RYR1: variants seen among roughly 807,000 people sequenced by gnomAD.
RYR1 encodes ryanodine receptor 1.
RYR1 carries 342 observed loss-of-function variants against 583.5 expected under a neutral mutation model. The ratio of observed to expected loss-of-function variants is 0.59; its 90% confidence interval spans 0.54 to 0.64. The LOEUF (loss-of-function observed/expected upper bound fraction) is 0.64. Ranked by LOEUF, RYR1 falls within the 30% of genes least tolerant of loss-of-function variation. The pLI, the probability that RYR1 is intolerant of heterozygous loss-of-function variation, is 0.00. For synonymous variants in RYR1, 2,791 were observed against 2,822.5 expected (o/e 0.99, Z 0.35); for missense variants, 6,032 against 6,917.2 (o/e 0.87, Z 4.54).
chr19:38,500,568 G>A lies in RYR1; in HGVS notation c.7324-38G>A, dbSNP rs901981100. ...AGCAGTCACTGAGTGGGGCACCAGC[G>A]CCTGATGAGTGCCCCTCTCCCTCCC... On this transcript the variant is annotated intron_variant, in intron 45 of 105. Coordinates refer to ENST00000359596, the MANE Select transcript of RYR1 (RefSeq NM_000540.3). This position sits in a 1 kb window ranked among gnomAD's most constrained non-coding sequence, Gnocchi z 5.9. 9.3e-6 allele frequency: 15 copies of A among 1,611,016 alleles called. No individual in the cohort carries two copies. The highest frequency in any genetic ancestry group is 5.3e-5 in the African/African-American group (4 of 74,788).
chr19:38,585,773 G>A (rs994071154), intron 102 of RYR1, among the ~76,000 whole-genome samples, 165 bp from the exon 103 acceptor site: 3 of 151,958 alleles, frequency 2.0e-5, no homozygotes, highest in East Asian at 1.9e-4. Context: ...GTGAGCCACC[G>A]CACCCGGCCA....
At chr19:38,494,188 C>T (rs927652757) in intron 38 of RYR1, among the ~76,000 whole-genome samples, 164 bp from the exon 39 acceptor site, 2 of 152,168 alleles carry the variant, frequency 1.3e-5, no homozygotes, top group East Asian at 3.8e-4. Flanking sequence ...AAAAGGAAAA[C>T]AATCTGCTAG....
At chr19:38,464,235 C>G (rs1187319216) in intron 22 of RYR1, among the ~76,000 whole-genome samples, 3 of 130,338 alleles carry the variant, frequency 2.3e-5, no homozygotes, top group African/African-American at 5.9e-5. Context: ...CGAGATCACA[C>G]TACTGCACTC....
At chr19:38,516,926 C>A (rs1360649420) in intron 65 of RYR1, among the ~76,000 whole-genome samples, 1 of 152,148 alleles carries the variant, frequency 6.6e-6, no homozygotes, top group Non-Finnish European at 1.5e-5. Context: ...AGAATGGCAC[C>A]TGGCCCAGAG....
Position 38,527,718 on chromosome 19 carries a change from C to T in RYR1, c.10758C>T (p.Ala3586=). 6.2e-7 allele frequency: 1 copy of T among 1,614,046 alleles called. No homozygotes were observed. The highest frequency in any genetic ancestry group is 8.5e-7 in the Non-Finnish European group (1 of 1,180,004). ...GCGTCCCGGGTCGCGAGGAGGACGC[C>T]GATGACCCCGAGAAAATCGTGCGCA... is the stretch of plus-strand genomic sequence containing the variant. ...YRGVPGREED[A]DDPEKIVRRV... The change falls in exon 73 of 106, where the codon GCC becomes GCT. Residue 3586 remains alanine, a synonymous_variant. Transcript: ENST00000359596.
At chr19:38,580,251 G>T in intron 100 of RYR1, 119 bp from the exon 101 acceptor site, 4 of 1,589,042 alleles carry the variant, frequency 2.5e-6, no homozygotes, top group Non-Finnish European at 3.4e-6. Context: ...CTGAGCCGGG[G>T]GTGTGTGGGG....
intron 64 of RYR1, among the ~76,000 whole-genome samples, chr19:38,515,641 T>A (rs898606557): frequency 6.0e-5 from 9 of 150,678 alleles, no homozygotes; most frequent in African/African-American, 1.7e-4. Context: ...AAAAAAAAAT[T>A]TTTTTTAATT....
In RYR1 at chr19:38,578,219, A is replaced by G. The variant is rs762065384; in HGVS notation, c.14364+15A>G. 1.1e-5 allele frequency: 17 copies of G among 1,612,562 alleles called. No homozygotes were observed. Among genetic ancestry groups the G allele is most frequent in the Non-Finnish European group, 1.4e-5 (17 of 1,179,374 alleles). ...TCACAGACAACGTGAGCAGGGGCCC[A>G]CAGACTGGGGAGGGACTCTGCAGGG... On this transcript the variant is annotated intron_variant, in intron 99 of 105. Coordinates refer to ENST00000359596, the MANE Select transcript of RYR1 (RefSeq NM_000540.3).
intron 33 of RYR1, among the ~76,000 whole-genome samples, chr19:38,484,438 C>CACTT (rs1969177742): frequency 7.1e-6 from 1 of 140,326 alleles, no homozygotes; most frequent in African/African-American, 2.8e-5. Context: ...CTCCCTCCCT[C>CACTT]CCTTCCTTCC....
chr19:38,502,876 G>T lies in RYR1; in HGVS notation c.7836-4G>T. ...GATTCTACATCTTGTGCATTGTCCC[G>T]CAGGTACATCCGCCCGTCGATGCTG... On this transcript the variant is annotated splice_region_variant and splice_polypyrimidine_tract_variant and intron_variant, in intron 48 of 105. Transcript: ENST00000359596. 2 of 1,610,090 alleles carry T rather than the reference G, an allele frequency of 1.2e-6. No homozygotes were observed. Among genetic ancestry groups the T allele is most frequent in the East Asian group, 2.2e-5 (1 of 44,842 alleles).
rs1226966051 is a variant in RYR1 at position 38,512,616 on chromosome 19, C to T, written c.9472+133C>T. The T allele has an allele frequency of 3.4e-6, 3 of 877,098 alleles. No homozygotes were observed. The highest frequency in any genetic ancestry group is 1.6e-5 in the African/African-American group (1 of 60,762). The allele number at this position is 877,098 out of a possible 1,614,324, so 54.3% of individuals were successfully genotyped here. ...CTGTAAGCAAAGCATGCAGTCAGTA[C>T]CTTGGCAGGTGGCAAATGAGTTAAT... is the stretch of plus-strand genomic sequence containing the variant. On this transcript the variant is annotated intron_variant, in intron 63 of 105. Transcript: ENST00000359596. The surrounding 1 kb of genome is among the most constrained non-coding windows in gnomAD (Gnocchi z 5.1).
intron 73 of RYR1, 78 bp from the exon 74 acceptor site, chr19:38,528,228 G>C: frequency 2.5e-6 from 3 of 1,202,666 alleles, no homozygotes; most frequent in Non-Finnish European, 3.7e-6. Context: ...CTTCGACACA[G>C]CTGGGCAGTT....
At chr19:38,534,673 G>A (rs1223050074) in intron 78 of RYR1, 47 bp from the exon 79 acceptor site, 1 of 1,537,828 alleles carries the variant, frequency 6.5e-7, no homozygotes, top group African/African-American at 1.4e-5. Flanking sequence ...GGAAAGGCTG[G>A]GCTGGAAAGC....
intron 11 of RYR1, among the ~76,000 whole-genome samples, chr19:38,450,773 C>CAATGAATA (rs1967032840): frequency 6.7e-6 from 1 of 150,114 alleles, no homozygotes; most frequent in Non-Finnish European, 1.5e-5. Context: ...AACGTGGAAA[C>CAATGAATA]AATAAATAAA....
intron 47 of RYR1, 87 bp from the exon 48 acceptor site, chr19:38,502,420 G>T: frequency 7.7e-7 from 1 of 1,295,378 alleles, no homozygotes; most frequent in Non-Finnish European, 1.1e-6. Flanking sequence ...CAGAAGCTTG[G>T]ATCCTTTGGC....
intron 2 of RYR1, among the ~76,000 whole-genome samples, chr19:38,441,071 G>T (rs1972655534): frequency 6.6e-6 from 1 of 151,834 alleles, no homozygotes; most frequent in South Asian, 2.1e-4. Context: ...GGGTGTTGGA[G>T]GGAATCCCTG....
chr19:38,482,489 C>T (rs1394033059), intron 31 of RYR1, among the ~76,000 whole-genome samples: 4 of 152,208 alleles, frequency 2.6e-5, no homozygotes, highest in East Asian at 1.9e-4. Flanking sequence ...CTTGTTCTGT[C>T]ACCCAGGCTG....
chr19:38,577,388 C>T lies in RYR1; in HGVS notation c.14173-530C>T, dbSNP rs141943888. On this transcript the variant is annotated intron_variant, in intron 97 of 105. Transcript: ENST00000359596. ...CGGAGCACCTATTATGTGCCAGGAA[C>T]AGTTTTAGAAACCTGGGATCCCGTG... 4.7e-3 allele frequency among the ~76,000 whole-genome samples: 719 copies of T among 152,288 alleles called. 7 individuals carry two copies. The highest frequency in any genetic ancestry group is 0.016 in the African/African-American group (674 of 41,564).
chr19:38,493,721 T>C (rs1430554350), intron 38 of RYR1, among the ~76,000 whole-genome samples: 1 of 151,998 alleles, frequency 6.6e-6, no homozygotes, highest in Non-Finnish European at 1.5e-5. Flanking sequence ...GGCTTCACCA[T>C]GTTGGCCAGG....
Sources: gnomAD v4.1 joint callset for allele counts (sites outside exome capture counted in the v4.1 genomes callset) on GRCh38, gnomAD v4.1.1 for gene constraint, Gnocchi (gnomAD v3.1) non-coding constraint, MANE v1.5 for transcripts, NCBI Gene and HGNC (gene_info 2026-07-23, HGNC 2026-07-21) for gene names.